Variants in USP30 observed in about 807,000 individuals in gnomAD.
USP30 encodes ubiquitin specific peptidase 30, also known as ubiquitin carboxyl-terminal hydrolase 30.
USP30 carries 41 observed loss-of-function variants against 68.2 expected under a neutral mutation model. The ratio of observed to expected loss-of-function variants is 0.60; its 90% CI spans 0.47 to 0.78. USP30 has a LOEUF of 0.78. USP30 is among the 30% of genes least tolerant of loss of function. The probability of loss-of-function intolerance (pLI) is 0.00; values close to 1 mark genes in which losing one functional copy is unlikely to be tolerated. For missense variants in USP30, 522 were observed against 649.4 expected (o/e 0.80, Z 2.13); for synonymous variants, 229 against 253.7 (o/e 0.90, Z 0.93).
At position 109,082,932 on chromosome 12, in the gene USP30, T is replaced by A; in HGVS notation, c.1038T>A (p.Asn346Lys). The stretch of plus-strand genomic sequence containing the variant: ...AGCGGCATGAGCACGTGCAGTTCAA[T>A]GAGTTCCTGATGATGGACATTTACA... ...PLKRHEHVQFNEFLMMDIYKY... is the reference protein window; with the variant it reads ...PLKRHEHVQFKEFLMMDIYKY... Residue 346 changes from asparagine to lysine, a missense_variant, in exon 11 of 13, where the codon AAT becomes AAA. By Grantham distance (94) the Asn-to-Lys change is moderately conservative. Coordinates refer to ENST00000257548, the MANE Select transcript of USP30 (RefSeq NM_032663.5). The A allele has an allele frequency of 6.2e-7, 1 of 1,614,236 alleles. No individual in the cohort carries two copies. Among genetic ancestry groups the A allele is most frequent in the African/African-American group, 1.3e-5 (1 of 75,064 alleles).
intron 7 of USP30, among the ~76,000 whole-genome samples, chr12:109,075,856 T>G (rs1327289263): frequency 6.6e-6 from 1 of 151,454 alleles, no homozygotes; most frequent in Non-Finnish European, 1.5e-5. Flanking sequence ...TTTTTTTTTT[T>G]TTGCTGTTGG....
chr12:109,058,572 CAA>C (rs111944941), intron 3 of USP30, among the ~76,000 whole-genome samples: 3 of 139,338 alleles, frequency 2.2e-5, no homozygotes, highest in Non-Finnish European at 4.6e-5. Context: ...AACTCCGTCT[CAA>C]AAAAAAAAAA....
In USP30 at chr12:109,087,828, A is replaced by T. The variant is rs1175113357; in HGVS notation, c.*1897A>T. On this transcript the variant is annotated 3_prime_UTR_variant, in exon 13 of 13. Coordinates refer to ENST00000257548, the MANE Select transcript of USP30 (RefSeq NM_032663.5). The stretch of plus-strand genomic sequence containing the variant: ...TTTTAACCTGACTTCTTCATTTTGT[A>T]AATTATTATGCATTAAGTAGCAGCC... 1.9e-5 allele frequency: 3 copies of T among 161,292 alleles called. No homozygotes were observed. The highest frequency in any genetic ancestry group is 2.7e-5 in the Non-Finnish European group (2 of 74,172). The allele number at this position is 161,292 out of a possible 1,614,324, so 10.0% of individuals were successfully genotyped here. A position where few individuals can be genotyped will look rare whatever the true frequency, so the allele number is the denominator to read the frequency against.
chr12:109,030,025 C>T (rs930747892), intron 3 of USP30, among the ~76,000 whole-genome samples: 1 of 152,180 alleles, frequency 6.6e-6, no homozygotes, highest in Non-Finnish European at 1.5e-5. Context: ...TATTGAAATA[C>T]GTGTTGAACT....
At chr12:109,041,618 G>C (rs1263165232) in intron 3 of USP30, among the ~76,000 whole-genome samples, 1 of 151,124 alleles carries the variant, frequency 6.6e-6, no homozygotes, top group South Asian at 2.1e-4. Context: ...CTGGGTGACA[G>C]AGCGAAACTC....
At chr12:109,071,561 C>G (rs1311117309) in intron 4 of USP30, 51 bp from the exon 5 acceptor site, 1 of 1,537,904 alleles carries the variant, frequency 6.5e-7, no homozygotes, top group South Asian at 1.1e-5. Context: ...TAGTTCTGAT[C>G]TTGCTCTTGC....
rs771855503 is a variant in USP30 at position 109,083,057 on chromosome 12, C to T, written c.1163C>T (p.Thr388Ile). 6.2e-7 allele frequency: 1 copy of T among 1,604,216 alleles called. No individual in the cohort carries two copies. The highest frequency in any genetic ancestry group is 1.7e-5 in the Admixed American group (1 of 57,908). ...LELQDGPGAP[T>I]PVLNQPGAPK... The stretch of plus-strand genomic sequence containing the variant: ...CTGCAGGATGGGCCGGGAGCCCCCA[C>T]ACCAGGTGTGTGCGCGCGAGGAGCC... Residue 388 changes from threonine to isoleucine, a missense_variant, in exon 11 of 13, where the codon ACA becomes ATA. Transcript: ENST00000257548.
At chr12:109,038,814 T>G (rs1255144158) in intron 3 of USP30, among the ~76,000 whole-genome samples, 3 of 152,160 alleles carry the variant, frequency 2.0e-5, no homozygotes, top group African/African-American at 7.2e-5. Flanking sequence ...CTAATGGGTG[T>G]GTGGTGGTAT....
intron 3 of USP30, among the ~76,000 whole-genome samples, chr12:109,043,434 G>A (rs1246481212): frequency 6.6e-6 from 1 of 152,126 alleles, no homozygotes; most frequent in Admixed American, 6.5e-5. Context: ...TCTGGTATAT[G>A]GTCAAAATGA....
intron 3 of USP30, among the ~76,000 whole-genome samples, chr12:109,041,980 G>A (rs754213446): frequency 6.6e-6 from 1 of 151,738 alleles, no homozygotes; most frequent in Admixed American, 6.6e-5. Context: ...TAAAAAAATT[G>A]TAGAAACTCA....
Position 109,079,339 on chromosome 12 carries a change from C to CTTTTTT in USP30, c.721-1989_721-1984dup, listed in dbSNP as rs750712233. Reference sequence around the variant, plus strand: ...TTTTCTCTTTTTTTCTTTTCTTTTTCTTTTTTTTTTTCTTTTTTTTTTTTT... The same window carrying CTTTTTT: ...TTTTCTCTTTTTTTCTTTTCTTTTTCTTTTTTTTTTTTTTTTTCTTTTTTTTTTTTT... On this transcript the variant is annotated intron_variant, in intron 7 of 12. Transcript: ENST00000257548. Among the ~76,000 whole-genome samples the CTTTTTT allele has an allele frequency of 6.7e-3, 415 of 62,146 alleles. 1 individual carries two copies. The highest frequency in any genetic ancestry group is 8.0e-3 in the Admixed American group (34 of 4,264). 40.8% of individuals were successfully genotyped at this position (62,146 alleles called of 152,430 possible). A position where few individuals can be genotyped will look rare whatever the true frequency, so the allele number is the denominator to read the frequency against.
At position 109,067,623 on chromosome 12, in the gene USP30, A is replaced by G; in HGVS notation, c.476A>G (p.Glu159Gly). 6.2e-7 allele frequency: 1 copy of G among 1,613,872 alleles called. No individual in the cohort carries two copies. The highest frequency in any genetic ancestry group is 1.7e-5 in the Admixed American group (1 of 60,016). ...MYRWQISSFE[E>G]QDAHELFHVI... Reference sequence around the variant, plus strand: ...AGATGGCAGATCTCATCATTTGAAGAACAGGTGAGTACAACATTTGAACAG... The same window carrying G: ...AGATGGCAGATCTCATCATTTGAAGGACAGGTGAGTACAACATTTGAACAG... Residue 159 changes from glutamate to glycine, a missense_variant, in exon 4 of 13, where the codon GAA becomes GGA. Glu to Gly is a moderately conservative substitution (Grantham distance 98). Coordinates refer to ENST00000257548, the MANE Select transcript of USP30 (RefSeq NM_032663.5).
chr12:109,036,307 C>CTT (rs543582071), intron 3 of USP30, among the ~76,000 whole-genome samples: 16 of 126,146 alleles, frequency 1.3e-4, no homozygotes, highest in South Asian at 7.2e-4. Context: ...TTCTTTCTTT[C>CTT]TTTTTTTTTT....
At chr12:109,051,988 C>CT (rs1242890266), upstream of USP30, among the ~76,000 whole-genome samples, 2 of 152,228 alleles carry the variant, frequency 1.3e-5, no homozygotes, top group Admixed American at 6.5e-5. Flanking sequence ...CTGCCAATCT[C>CT]TGTTTCACCA....
intron 7 of USP30, among the ~76,000 whole-genome samples, chr12:109,076,768 G>T (rs1196556593): frequency 4.2e-5 from 5 of 117,776 alleles, no homozygotes; most frequent in East Asian, 4.9e-4. Flanking sequence ...GTCTTGCTCT[G>T]TCGCCCAGGC....
At chr12:109,039,897 C>T (rs191884814) in intron 3 of USP30, among the ~76,000 whole-genome samples, 6 of 152,292 alleles carry the variant, frequency 3.9e-5, no homozygotes, top group Admixed American at 3.3e-4. Context: ...GCGTGAACCA[C>T]CACACCTGGC....
chr12:109,052,425 T>G, upstream of USP30: 1 of 375,272 alleles, frequency 2.7e-6, no homozygotes, highest in Non-Finnish European at 4.8e-6. Flanking sequence ...CCCAGGCAAC[T>G]GAGCCCAGCG....
intron 1 of USP30, among the ~76,000 whole-genome samples, chr12:109,055,401 T>TATATA (rs61062424): frequency 2.7e-4 from 8 of 29,640 alleles, no homozygotes; most frequent in African/African-American, 9.7e-4. Context: ...TATATATATA[T>TATATA]TTTTTTTTTT....
At chr12:109,074,580 C>T (rs1253314653) in intron 7 of USP30, among the ~76,000 whole-genome samples, 2 of 152,192 alleles carry the variant, frequency 1.3e-5, no homozygotes, top group Non-Finnish European at 2.9e-5. Context: ...CATTGAGGTT[C>T]TAGCCATCCT....
Sources: gnomAD v4.1 joint callset for allele counts (sites outside exome capture counted in the v4.1 genomes callset) on GRCh38, gnomAD v4.1.1 for gene constraint, MANE v1.5 for transcripts, NCBI Gene and HGNC (gene_info 2026-07-23, HGNC 2026-07-21) for gene names.